NETO1: variants seen among roughly 807,000 people sequenced by gnomAD.
The protein encoded by NETO1 is neuropilin and tolloid-like protein 1.
Under a neutral mutation model 61.3 loss-of-function variants are expected in NETO1, and 26 were observed. That is an observed-to-expected ratio of 0.42 (90% CI 0.31 to 0.59). The LOEUF is 0.59. Among genes scored for constraint, NETO1 ranks in the 20% least tolerant of loss-of-function variants. The pLI is 0.12. For synonymous variants in NETO1, 225 were observed against 225.8 expected (o/e 1.00, Z 0.03); for missense variants, 531 against 662.8 (o/e 0.80, Z 2.18).
intron 4 of NETO1, among the ~76,000 whole-genome samples, chr18:72,795,258 A>G (rs975360963): frequency 2.9e-4 from 44 of 152,316 alleles, no homozygotes; most frequent in African/African-American, 9.9e-4. Context: ...AGCTTCTGAG[A>G]AAGTTTTCCT....
intron 4 of NETO1, among the ~76,000 whole-genome samples, chr18:72,854,163 C>T (rs2074345197): frequency 6.6e-6 from 1 of 152,052 alleles, no homozygotes; most frequent in African/African-American, 2.4e-5. Context: ...TGAGAGGTGG[C>T]TAGGAGTTGG....
rs773036186 is a variant in NETO1 at position 72,750,204 on chromosome 18, T to C, written c.1399A>G (p.Ile467Val). The change falls in exon 9 of 11, where the codon ATC becomes GTC. Residue 467 changes from isoleucine to valine, a missense_variant. Physicochemically the swap from Ile to Val is conservative, Grantham distance 29. Transcript: ENST00000327305. Reference protein sequence around the residue: ...EMPTQPGKPLIPPMNRRNILV... With the variant: ...EMPTQPGKPLVPPMNRRNILV... The stretch of plus-strand genomic sequence containing the variant: ...ATATTTCTTCTGTTCATGGGTGGGA[T>C]GAGGGGTTTTCCTGGCTGTGTGGGC... 7 of 1,613,982 alleles carry C rather than the reference T, an allele frequency of 4.3e-6. No individual in the cohort carries two copies. Among genetic ancestry groups the C allele is most frequent in the Non-Finnish European group, 5.1e-6 (6 of 1,179,998 alleles).
intron 4 of NETO1, among the ~76,000 whole-genome samples, chr18:72,821,787 G>T (rs1369926350): frequency 1.1e-4 from 16 of 152,072 alleles, no homozygotes; most frequent in Admixed American, 1.0e-3. Flanking sequence ...CAAAGTCAGA[G>T]TATGAATACA....
At chr18:72,841,928 C>G (rs892596176) in intron 4 of NETO1, among the ~76,000 whole-genome samples, 1 of 151,670 alleles carries the variant, frequency 6.6e-6, no homozygotes, top group Non-Finnish European at 1.5e-5. Context: ...AAATTCATGG[C>G]CAAGGAAATG....
At chr18:72,827,090 CTT>C (rs75038247) in intron 4 of NETO1, among the ~76,000 whole-genome samples, 1 of 142,738 alleles carries the variant, frequency 7.0e-6, no homozygotes. Flanking sequence ...TCAATGCTTT[CTT>C]TTTTTTTTTT....
chr18:72,761,416 G>T (rs1377058170), intron 7 of NETO1, among the ~76,000 whole-genome samples: 4 of 152,202 alleles, frequency 2.6e-5, no homozygotes, highest in African/African-American at 9.7e-5. Flanking sequence ...GAATGTGTTT[G>T]TACTACTTAA....
chr18:72,748,571 G>A (rs1013650446), intron 10 of NETO1, among the ~76,000 whole-genome samples: 1 of 152,006 alleles, frequency 6.6e-6, no homozygotes, highest in African/African-American at 2.4e-5. Flanking sequence ...TTTAGTGTAC[G>A]AATTTTGAGT....
At chr18:72,858,456 T>G (rs553697748) in intron 4 of NETO1, among the ~76,000 whole-genome samples, 2 of 152,300 alleles carry the variant, frequency 1.3e-5, no homozygotes, top group African/African-American at 4.8e-5. Context: ...AAAGATCATT[T>G]TGGTGGATAT....
At chr18:72,829,995 GAC>G (rs1461676557) in intron 4 of NETO1, among the ~76,000 whole-genome samples, 2 of 152,210 alleles carry the variant, frequency 1.3e-5, no homozygotes, top group Non-Finnish European at 2.9e-5. Flanking sequence ...CACAAAAAGA[GAC>G]ACAGACTCTT....
At chr18:72,846,915 CTTTG>C (rs1402810986) in intron 4 of NETO1, among the ~76,000 whole-genome samples, 1 of 152,252 alleles carries the variant, frequency 6.6e-6, no homozygotes, top group Admixed American at 6.5e-5. Context: ...ACAAATTCTA[CTTTG>C]TTTGCGCGCC....
rs149725469 is a variant in NETO1, at chr18:72,807,433, G to A, written c.470-13029C>T. Among the ~76,000 whole-genome samples, 835 of 152,186 alleles carry A rather than the reference G, an allele frequency of 5.5e-3. 9 individuals carry two copies. Among genetic ancestry groups the A allele is most frequent in the African/African-American group, 0.019 (785 of 41,530 alleles). ...GTTCCCTTATTTTATTTATTTAGCT[G>A]TAATTTGAAGTTTCCTCATGGTGCG... On this transcript the variant is annotated intron_variant, in intron 4 of 10. Coordinates refer to ENST00000327305, the MANE Select transcript of NETO1 (RefSeq NM_138966.5).
At chr18:72,752,078 T>C (rs1236365119) in intron 8 of NETO1, 1 of 152,088 alleles carries the variant, frequency 6.6e-6, no homozygotes, top group East Asian at 1.9e-4. Flanking sequence ...CAATTAAGTA[T>C]GCAATTAAGA....
At chr18:72,748,282 T>C (rs750348366) in intron 10 of NETO1, 118 bp from the exon 11 acceptor site, 17 of 984,370 alleles carry the variant, frequency 1.7e-5, no homozygotes, top group Admixed American at 6.2e-5. Context: ...GAATAGTTGA[T>C]AGGCTTGAGG....
intron 4 of NETO1, among the ~76,000 whole-genome samples, chr18:72,823,072 C>T (rs1017201730): frequency 3.3e-5 from 5 of 152,142 alleles, no homozygotes; most frequent in African/African-American, 9.7e-5. Context: ...GATACAGATA[C>T]CCAAAAAGCC....
rs2073545783 is a variant in NETO1 at position 72,830,641 on chromosome 18, T to G, written c.469+28185A>C. Among the ~76,000 whole-genome samples, 6 of 152,104 alleles carry G rather than the reference T, an allele frequency of 3.9e-5. No homozygotes were observed. Among genetic ancestry groups the G allele is most frequent in the Admixed American group, 3.9e-4 (6 of 15,266 alleles). ...GGGGAGGGGATGGATTTCTCCAGGTTACAGGCAAAGCATATGAAAATCTGT... is the reference window on the plus strand; with the variant it reads ...GGGGAGGGGATGGATTTCTCCAGGTGACAGGCAAAGCATATGAAAATCTGT... On this transcript the variant is annotated intron_variant, in intron 4 of 10. Transcript: ENST00000327305. This position sits in a 1 kb window ranked among gnomAD's most constrained non-coding sequence, Gnocchi z 4.9.
chr18:72,792,807 C>A (rs962724288), intron 6 of NETO1, among the ~76,000 whole-genome samples: 2 of 151,864 alleles, frequency 1.3e-5, no homozygotes, highest in African/African-American at 2.4e-5. Context: ...CATGTGGTCA[C>A]GTGCAATTAC....
chr18:72,862,159 G>A (rs189602486), intron 3 of NETO1, among the ~76,000 whole-genome samples: 9 of 152,216 alleles, frequency 5.9e-5, no homozygotes, highest in East Asian at 5.8e-4. Context: ...TGAAGACACC[G>A]GGGTGCCACG....
chr18:72,858,761 T>C, intron 4 of NETO1, 65 bp downstream of exon 4: 2 of 1,444,406 alleles, frequency 1.4e-6, no homozygotes, highest in African/African-American at 1.4e-5. Flanking sequence ...TTACACAAGA[T>C]TTTGTACTAT....
At chr18:72,852,952 T>C (rs906944676) in intron 4 of NETO1, among the ~76,000 whole-genome samples, 1 of 150,702 alleles carries the variant, frequency 6.6e-6, no homozygotes, top group African/African-American at 2.4e-5. Context: ...CTCGCCTCAG[T>C]CTCCCGAGTA....
Sources: allele counts gnomAD v4.1 joint callset (sites outside exome capture counted in the v4.1 genomes callset), GRCh38; gene constraint gnomAD v4.1.1; non-coding constraint Gnocchi (gnomAD v3.1); transcripts MANE v1.5; gene names NCBI Gene and HGNC (gene_info 2026-07-23, HGNC 2026-07-21).